Variants in ANKRD23 observed in about 807,000 individuals in gnomAD.
ANKRD23 encodes ankyrin repeat domain-containing protein 23.
In ANKRD23, 52 loss-of-function variants were observed where a neutral mutation model predicts 38.1. That is an observed-to-expected ratio of 1.36 (90% CI 1.09 to 1.72). The LOEUF (loss-of-function observed/expected upper bound fraction) is 1.72. ANKRD23 is among the 40% of genes most tolerant of loss of function. The pLI, the probability that ANKRD23 is intolerant of heterozygous loss-of-function variation, is 0.00. For missense variants in ANKRD23, 416 were observed against 400.2 expected, an observed-to-expected ratio of 1.04 and a Z score of -0.34; for synonymous variants, 167 against 162.9, an observed-to-expected ratio of 1.03 and a Z score of -0.19.
chr2:96,843,736 T>C (rs548480047), intron 1 of ANKRD23, among the ~76,000 whole-genome samples: 1 of 152,198 alleles, frequency 6.6e-6, no homozygotes, highest in South Asian at 2.1e-4. Context: ...CCCAGCTACT[T>C]GGGAGGCCCA....
At position 96,842,282 on chromosome 2, in the gene ANKRD23, C is replaced by A. The variant is rs143591529; in HGVS notation, c.174+83G>T. On this transcript the variant is annotated intron_variant, in intron 2 of 8. Transcript: ENST00000318357. Reference sequence around the variant, plus strand: ...GACACCAGCTGCTCAGGCTGCCCCACCAGAGTCCCTCCAGGCCTCACTGCT... The same window carrying A: ...GACACCAGCTGCTCAGGCTGCCCCAACAGAGTCCCTCCAGGCCTCACTGCT... 17 of 1,605,142 alleles carry A rather than the reference C, an allele frequency of 1.1e-5. No individual in the cohort carries two copies. In the South Asian group the frequency reaches 1.5e-4, roughly 15 times the overall value.
chr2:96,838,147 T>TAAC lies in ANKRD23; in HGVS notation c.*1399_*1401dup, dbSNP rs979726782. 1 of 171,372 alleles carries TAAC rather than the reference T, an allele frequency of 5.8e-6. No individual in the cohort carries two copies. Among genetic ancestry groups the TAAC allele is most frequent in the African/African-American group, 2.4e-5 (1 of 41,812 alleles). 10.6% of individuals were successfully genotyped at this position (171,372 alleles called of 1,614,324 possible). ...AGCACTGGTCAGCTTTTCCACATAG[T>TAAC]AACAACAGCCTTGTTCTGGGCCTGA... On this transcript the variant is annotated 3_prime_UTR_variant, in exon 9 of 9. Coordinates refer to ENST00000318357, the MANE Select transcript of ANKRD23 (RefSeq NM_144994.8).
At position 96,839,737 on chromosome 2, in the gene ANKRD23, ACC is replaced by A. The variant is rs1272573297; in HGVS notation, c.810_811del (p.Val271AlafsTer226). On this transcript the variant is annotated frameshift_variant, in exon 8 of 9. Coordinates refer to ENST00000318357, the MANE Select transcript of ANKRD23 (RefSeq NM_144994.8). LOFTEE classifies it high-confidence loss of function. ...TGCGCCCACACTCACCGCGTTCCGC[ACC>A]CCCAGCTCGGCCCCATAGAGCAGCA... 6.2e-7 allele frequency: 1 copy of A among 1,613,002 alleles called. No individual in the cohort carries two copies. Among genetic ancestry groups the A allele is most frequent in the African/African-American group, 1.3e-5 (1 of 75,006 alleles).
At position 96,840,092 on chromosome 2, in the gene ANKRD23, C is replaced by T. The variant is rs754665636; in HGVS notation, c.628G>A (p.Gly210Arg). 3 of 1,554,762 alleles carry T rather than the reference C, an allele frequency of 1.9e-6. No homozygotes were observed. Among genetic ancestry groups the T allele is most frequent in the Admixed American group, 3.9e-5 (2 of 51,300 alleles). The change falls in exon 7 of 9, where the codon GGG (glycine) becomes AGG (arginine). Residue 210 changes from glycine (G) to arginine (R), a missense_variant. Coordinates refer to ENST00000318357, the MANE Select transcript of ANKRD23 (RefSeq NM_144994.8). The stretch of plus-strand genomic sequence containing the variant: ...ACTGCCACGTGCAGGGGGGTGCTCC[C>T]GATCTGAGAGCAAGTGGGGGTCAGT... The part of the protein sequence containing the change: ...GARVNARDKI[G>R]STPLHVAVRT...
chr2:96,842,485 T>G lies in ANKRD23; in HGVS notation c.54A>C (p.Lys18Asn). 1 of 1,614,006 alleles carries G rather than the reference T, an allele frequency of 6.2e-7. No homozygotes were observed. The highest frequency in any genetic ancestry group is 8.5e-7 in the Non-Finnish European group (1 of 1,179,968). Residue 18 changes from lysine to asparagine, a missense_variant, in exon 2 of 9, where the codon AAA becomes AAC. Coordinates refer to ENST00000318357, the MANE Select transcript of ANKRD23 (RefSeq NM_144994.8). ...GAACTCCATGTCCAAATCCCAACAC[T>G]TTCCCTTCAACTCTTTCTCCACTTA... Reference protein sequence around the residue: ...QLVSGERVEGKVLGFGHGVPD... With the variant: ...QLVSGERVEGNVLGFGHGVPD...
At chr2:96,840,596 T>G in intron 4 of ANKRD23, 82 bp from the exon 5 acceptor site, 1 of 1,539,488 alleles carries the variant, frequency 6.5e-7, no homozygotes, top group Non-Finnish European at 8.9e-7. Context: ...CAGGGCCAGG[T>G]CCCTGAATGG....
Position 96,838,482 on chromosome 2 carries a change from G to A in ANKRD23, c.*1067C>T. ...CAGGGAAGGGATGGGAAGGGCTGGG[G>A]GGCGGCGGGGGCTCACCTTCCTCTG... On this transcript the variant is annotated 3_prime_UTR_variant, in exon 9 of 9. Transcript: ENST00000318357. The A allele has an allele frequency of 1.0e-6, 1 of 986,744 alleles. No homozygotes were observed. Among genetic ancestry groups the A allele is most frequent in the Non-Finnish European group, 1.2e-6 (1 of 830,242 alleles). 61.1% of individuals were successfully genotyped at this position (986,744 alleles called of 1,614,324 possible). A position where few individuals can be genotyped will look rare whatever the true frequency, so the allele number is the denominator to read the frequency against.
At chr2:96,841,814 C>T (rs2079765104) in intron 3 of ANKRD23, among the ~76,000 whole-genome samples, 1 of 152,212 alleles carries the variant, frequency 6.6e-6, no homozygotes, top group South Asian at 2.1e-4. Flanking sequence ...CCAACACCTT[C>T]CTGTTAGCCT....
chr2:96,839,917 C>G, intron 7 of ANKRD23, 80 bp downstream of exon 7: 1 of 1,547,692 alleles, frequency 6.5e-7, no homozygotes, highest in Non-Finnish European at 8.7e-7. Context: ...GCAGACAGCA[C>G]CTCTGGTCCT....
intron 3 of ANKRD23, chr2:96,841,229 G>A (rs1243725196): frequency 3.8e-5 from 10 of 265,256 alleles, no homozygotes; most frequent in South Asian, 1.6e-4. Flanking sequence ...TCACACCGGC[G>A]TATGGTGGGC....
intron 4 of ANKRD23, 118 bp downstream of exon 4, chr2:96,840,669 G>C (rs1574128222): frequency 1.3e-6 from 2 of 1,533,858 alleles, no homozygotes; most frequent in East Asian, 2.3e-5. Context: ...GGTGCCACTG[G>C]ATTCATGCCC....
chr2:96,841,668 C>G (rs1215007473), intron 3 of ANKRD23, among the ~76,000 whole-genome samples: 4 of 149,032 alleles, frequency 2.7e-5, no homozygotes, highest in African/African-American at 9.9e-5. Context: ...ACAGGCAGAA[C>G]GCCCAGCAAA....
chr2:96,839,008 C>T lies in ANKRD23; in HGVS notation c.*541G>A. 1.0e-6 allele frequency: 1 copy of T among 985,934 alleles called. No homozygotes were observed. Among genetic ancestry groups the T allele is most frequent in the Non-Finnish European group, 1.2e-6 (1 of 830,312 alleles). The allele number at this position is 985,934 out of a possible 1,614,324, so 61.1% of individuals were successfully genotyped here. ...ACAGGAATGGGGTCCCCAGAGAAAG[C>T]CATGCCCACAGGCATCCACCAGCTG... On this transcript the variant is annotated 3_prime_UTR_variant, in exon 9 of 9. Coordinates refer to ENST00000318357, the MANE Select transcript of ANKRD23 (RefSeq NM_144994.8).
intron 3 of ANKRD23, among the ~76,000 whole-genome samples, chr2:96,841,592 C>G (rs1359383610): frequency 7.3e-6 from 1 of 136,922 alleles, no homozygotes; most frequent in Admixed American, 7.3e-5. Flanking sequence ...GAGCGAGACT[C>G]CGTCTCAAAA....
In ANKRD23 at chr2:96,839,373, CTT is replaced by C. The variant is rs1002369204; in HGVS notation, c.*174_*175del. On this transcript the variant is annotated 3_prime_UTR_variant, in exon 9 of 9. Transcript: ENST00000318357. The stretch of plus-strand genomic sequence containing the variant: ...CACTCGAAGCCAGGGAGGCCTCTCT[CTT>C]TGCCTGCTGGGCCCGGTGCCGCTCT... The C allele has an allele frequency of 1.6e-5, 20 of 1,264,388 alleles. No individual in the cohort carries two copies. The highest frequency in any genetic ancestry group is 1.2e-4 in the African/African-American group (8 of 64,634). 78.3% of individuals were successfully genotyped at this position (1,264,388 alleles called of 1,614,324 possible).
In ANKRD23 at chr2:96,838,111, C is replaced by T. The variant is rs1182986428; in HGVS notation, c.*1438G>A. 6.4e-6 allele frequency: 1 copy of T among 155,828 alleles called. No individual in the cohort carries two copies. Among genetic ancestry groups the T allele is most frequent in the East Asian group, 1.9e-4 (1 of 5,220 alleles). 9.7% of individuals were successfully genotyped at this position (155,828 alleles called of 1,614,324 possible). The stretch of plus-strand genomic sequence containing the variant: ...GAGCTGCTCATGGAAAGGTGTGTGC[C>T]CCTAGTGTGCAGCACTGGTCAGCTT... On this transcript the variant is annotated 3_prime_UTR_variant, in exon 9 of 9. Transcript: ENST00000318357.
At position 96,843,965 on chromosome 2, in the gene ANKRD23, C is replaced by G; in HGVS notation, c.27+1G>C. 1 of 1,608,964 alleles carries G rather than the reference C, an allele frequency of 6.2e-7. No individual in the cohort carries two copies. Among genetic ancestry groups the G allele is most frequent in the Non-Finnish European group, 8.5e-7 (1 of 1,177,872 alleles). On this transcript the variant is annotated splice_donor_variant, in intron 1 of 8. Coordinates refer to ENST00000318357, the MANE Select transcript of ANKRD23 (RefSeq NM_144994.8). LOFTEE classifies it high-confidence loss of function. ...CTCCCACCTCCGTCCCACATCCTTA[C>G]CAACTGCTGAATGCTGATGAAGTCC...
chr2:96,838,703 C>T lies in ANKRD23; in HGVS notation c.*846G>A, dbSNP rs1370392279. On this transcript the variant is annotated 3_prime_UTR_variant, in exon 9 of 9. Coordinates refer to ENST00000318357, the MANE Select transcript of ANKRD23 (RefSeq NM_144994.8). ...AGTTGAGTGGGCCACAAGCAATCCC[C>T]AGTGCCCAGGCGCTTCCCCATGAGA... is the stretch of plus-strand genomic sequence containing the variant. 2 of 985,554 alleles carry T rather than the reference C, an allele frequency of 2.0e-6. No individual in the cohort carries two copies. The highest frequency in any genetic ancestry group is 4.7e-5 in the South Asian group (1 of 21,298). The allele number at this position is 985,554 out of a possible 1,614,324, so 61.1% of individuals were successfully genotyped here.
In ANKRD23 at chr2:96,838,380, T is replaced by C; in HGVS notation, c.*1169A>G. ...CCCAGCCCCACCAGCAGTACAGGCC[T>C]ACACCAGTGTAATTTGAAACGTACA... On this transcript the variant is annotated 3_prime_UTR_variant, in exon 9 of 9. Coordinates refer to ENST00000318357, the MANE Select transcript of ANKRD23 (RefSeq NM_144994.8). 2.0e-6 allele frequency: 2 copies of C among 988,150 alleles called. No individual in the cohort carries two copies. Among genetic ancestry groups the C allele is most frequent in the Non-Finnish European group, 2.4e-6 (2 of 830,176 alleles). The allele number at this position is 988,150 out of a possible 1,614,324, so 61.2% of individuals were successfully genotyped here.
Sources: gnomAD v4.1 joint callset for allele counts (sites outside exome capture counted in the v4.1 genomes callset) on GRCh38, gnomAD v4.1.1 for gene constraint, MANE v1.5 for transcripts, NCBI Gene and HGNC (gene_info 2026-07-23, HGNC 2026-07-21) for gene names.